Variants in SLMAP observed in about 807,000 individuals in gnomAD.
The protein encoded by SLMAP is sarcolemmal membrane-associated protein.
In SLMAP, 44 loss-of-function variants were observed where a neutral mutation model predicts 128.8. The observed-to-expected ratio is 0.34, with a 90% CI of 0.27 to 0.44. The LOEUF (loss-of-function observed/expected upper bound fraction) is 0.44, where lower values mean the gene tolerates loss of function less well. Ranked by LOEUF, SLMAP falls within the 20% of genes least tolerant of loss-of-function variation. The pLI, the probability that SLMAP is intolerant of heterozygous loss-of-function variation, is 1.00. For missense variants in SLMAP, 787 were observed against 985.3 expected, an observed-to-expected ratio of 0.80 and a Z score of 2.69; for synonymous variants, 327 against 348.8, an observed-to-expected ratio of 0.94 and a Z score of 0.70.
rs112949836 is a variant in SLMAP, at chr3:57,906,300, CTTTTTT to C, written c.1502-1580_1502-1575del. Among the ~76,000 whole-genome samples, 384 of 71,220 alleles carry C rather than the reference CTTTTTT, an allele frequency of 5.4e-3. 7 individuals are homozygous for C. The highest frequency in any genetic ancestry group is 9.8e-3 in the South Asian group (20 of 2,040). The allele number at this position is 71,220 out of a possible 152,430, so 46.7% of individuals were successfully genotyped here. ...GCTGAACCCAGAATCAAATTTTTTT[CTTTTTT>C]TTTCTTTTTTTTTTTTTTTTTTTTT... On this transcript the variant is annotated intron_variant, in intron 17 of 24. Coordinates refer to ENST00000671191, the MANE Select transcript of SLMAP (RefSeq NM_001377540.1).
intron 2 of SLMAP, among the ~76,000 whole-genome samples, chr3:57,828,686 T>C (rs546228736): frequency 2.0e-5 from 3 of 152,308 alleles, no homozygotes; most frequent in Non-Finnish European, 2.9e-5. Context: ...AAATTATATG[T>C]TCAAGCTAAA....
At chr3:57,758,038 CAG>C (rs1446062725) in intron 2 of SLMAP, among the ~76,000 whole-genome samples, 189 bp downstream of exon 2, 1 of 152,124 alleles carries the variant, frequency 6.6e-6, no homozygotes, top group Non-Finnish European at 1.5e-5. Flanking sequence ...GAATGGAAAA[CAG>C]AGAAGGTATT....
rs1167517087 is a variant in SLMAP at position 57,928,341 on chromosome 3, A to T, written c.*1052A>T. ...TTAATATCTCTTTAGATAAGCTTGT[A>T]TTGACCTAATTTGGTTTATGATGTG... On this transcript the variant is annotated 3_prime_UTR_variant, in exon 25 of 25. Coordinates refer to ENST00000671191, the MANE Select transcript of SLMAP (RefSeq NM_001377540.1). 1 of 152,084 alleles carries T rather than the reference A, an allele frequency of 6.6e-6. No homozygotes were observed. The allele number at this position is 152,084 out of a possible 1,614,324, so 9.4% of individuals were successfully genotyped here.
At chr3:57,894,146 T>A (rs2096174927) in intron 15 of SLMAP, among the ~76,000 whole-genome samples, 1 of 152,166 alleles carries the variant, frequency 6.6e-6, no homozygotes, top group East Asian at 1.9e-4. Context: ...TATATATATA[T>A]CTACAAATTT....
At chr3:57,815,492 CATGGTTATTTATAATAAAT>C (rs1275430254) in intron 2 of SLMAP, among the ~76,000 whole-genome samples, 3 of 152,048 alleles carry the variant, frequency 2.0e-5, no homozygotes, top group Non-Finnish European at 4.4e-5. Flanking sequence ...CCATAAATAT[CATGGTTATTTATAATAAAT>C]ATGGTTATTT....
intron 14 of SLMAP, 124 bp downstream of exon 14, chr3:57,871,822 G>A (rs2095486179): frequency 1.3e-5 from 9 of 675,270 alleles, no homozygotes; most frequent in South Asian, 3.8e-5. Context: ...GGCATCTTTA[G>A]ACAGCAGCAA....
At chr3:57,817,720 A>G (rs931565333) in intron 2 of SLMAP, among the ~76,000 whole-genome samples, 1 of 152,232 alleles carries the variant, frequency 6.6e-6, no homozygotes, top group African/African-American at 2.4e-5. Flanking sequence ...AGTACCTAGT[A>G]TAGCTCCTAG....
intron 2 of SLMAP, among the ~76,000 whole-genome samples, chr3:57,775,259 G>C (rs562547876): frequency 6.6e-6 from 1 of 151,586 alleles, no homozygotes; most frequent in South Asian, 2.1e-4. Context: ...TTTCACCGTG[G>C]TCTCGATCTC....
chr3:57,848,855 A>G (rs2153577377), intron 5 of SLMAP, among the ~76,000 whole-genome samples: 1 of 151,754 alleles, frequency 6.6e-6, no homozygotes, highest in African/African-American at 2.4e-5. Flanking sequence ...GATTACAGGC[A>G]TGTGCCACCA....
chr3:57,867,023 C>T (rs562766123), intron 13 of SLMAP, among the ~76,000 whole-genome samples: 3 of 152,094 alleles, frequency 2.0e-5, no homozygotes, highest in African/African-American at 7.2e-5. Context: ...ACAAAAAATA[C>T]AAAAATTAGC....
At chr3:57,802,044 G>A (rs1406573498) in intron 2 of SLMAP, among the ~76,000 whole-genome samples, 1 of 151,704 alleles carries the variant, frequency 6.6e-6, no homozygotes, top group African/African-American at 2.4e-5. Flanking sequence ...CTGTTCATTG[G>A]CTTCTTAAAA....
intron 3 of SLMAP, among the ~76,000 whole-genome samples, chr3:57,836,184 A>G (rs1168062530): frequency 6.6e-6 from 1 of 152,138 alleles, no homozygotes; most frequent in Non-Finnish European, 1.5e-5. Flanking sequence ...ATATATCTCT[A>G]GATCTTTAAT....
chr3:57,843,305 C>CTTTTTTTTTTTTTTTTTTTTTTTTT, intron 4 of SLMAP, among the ~76,000 whole-genome samples: 13 of 92,112 alleles, frequency 1.4e-4, no homozygotes, highest in South Asian at 4.4e-4. Context: ...CTTTCTTTTC[C>CTTTTTTTTTTTTTTTTTTTTTTTTT]TTTTTTTTTT....
At chr3:57,916,215 A>G (rs1033661535) in intron 21 of SLMAP, among the ~76,000 whole-genome samples, 2 of 152,120 alleles carry the variant, frequency 1.3e-5, no homozygotes, top group Non-Finnish European at 2.9e-5. Context: ...TCAGAAGTTA[A>G]TGAATTCAAT....
intron 9 of SLMAP, among the ~76,000 whole-genome samples, 159 bp from the exon 10 acceptor site, chr3:57,861,790 T>A (rs1485345732): frequency 2.0e-5 from 3 of 152,234 alleles, no homozygotes; most frequent in Non-Finnish European, 2.9e-5. Context: ...TGAATTGAAA[T>A]TCTTATGTTA....
intron 2 of SLMAP, among the ~76,000 whole-genome samples, chr3:57,804,821 C>T (rs1352093372): frequency 6.6e-6 from 1 of 152,156 alleles, no homozygotes; most frequent in Non-Finnish European, 1.5e-5. Flanking sequence ...TGTAGATAAT[C>T]TCCTATCACT....
chr3:57,920,656 C>T lies in SLMAP; in HGVS notation c.2311-2233C>T, dbSNP rs529216852. On this transcript the variant is annotated intron_variant, in intron 22 of 24. Transcript: ENST00000671191. The stretch of plus-strand genomic sequence containing the variant: ...GACAAGGAGGAACCTTTCTGGTATA[C>T]GTTACCTATGGTATATCTATTTTAT... Among the ~76,000 whole-genome samples, 4 of 152,206 alleles carry T rather than the reference C, an allele frequency of 2.6e-5. No homozygotes were observed. In the South Asian group the frequency reaches 6.2e-4, roughly 24 times the overall value.
At chr3:57,822,297 T>A (rs2092586596) in intron 2 of SLMAP, among the ~76,000 whole-genome samples, 1 of 152,056 alleles carries the variant, frequency 6.6e-6, no homozygotes, top group African/African-American at 2.4e-5. Context: ...AGAAAGGCAG[T>A]GTGGAAATTT....
intron 24 of SLMAP, chr3:57,926,167 A>T: frequency 2.0e-6 from 1 of 495,996 alleles, no homozygotes; most frequent in Non-Finnish European, 3.6e-6. Flanking sequence ...TTCCAACCTA[A>T]CCAGTTGTTA....
Sources: gnomAD v4.1 joint callset for allele counts (sites outside exome capture counted in the v4.1 genomes callset) on GRCh38, gnomAD v4.1.1 for gene constraint, MANE v1.5 for transcripts, NCBI Gene and HGNC (gene_info 2026-07-23, HGNC 2026-07-21) for gene names.